THSD4: variants seen among roughly 807,000 people sequenced by gnomAD.
THSD4 encodes the protein thrombospondin type-1 domain-containing protein 4.
Under a neutral mutation model 119.0 loss-of-function variants are expected in THSD4, and 69 were observed. That is an observed-to-expected ratio of 0.58 (90% CI 0.48 to 0.71). THSD4 has a LOEUF of 0.71. THSD4 is among the 30% of genes least tolerant of loss of function. The pLI is 0.00. For synonymous variants in THSD4, 524 were observed against 540.4 expected, an observed-to-expected ratio of 0.97 and a Z score of 0.42; for missense variants, 1,393 against 1,391.1, an observed-to-expected ratio of 1.00 and a Z score of -0.02.
chr15:71,387,213 A>G (rs1453500352), intron 6 of THSD4, among the ~76,000 whole-genome samples: 1 of 152,104 alleles, frequency 6.6e-6, no homozygotes, highest in African/African-American at 2.4e-5. Flanking sequence ...CGTTAAAAAA[A>G]AAAACAGGCT....
chr15:71,731,162 CG>C lies in THSD4; in HGVS notation c.1576del (p.Val526Ter). On this transcript the variant is annotated frameshift_variant, in exon 10 of 18. Transcript: ENST00000261862. LOFTEE classifies it high-confidence loss of function. ...CAAACCCAGGCGTGCACTACGAGTACGTGATCATGGGGACCAACGCCATCAG... is the reference window on the plus strand; with the variant it reads ...CAAACCCAGGCGTGCACTACGAGTACTGATCATGGGGACCAACGCCATCAG... ...QPNPGVHYEYVIMGTNAISPQ... is the reference protein window; with the variant it reads ...QPNPGVHYEYXIMGTNAISPQ... 1.9e-6 allele frequency: 3 copies of C among 1,614,174 alleles called. No homozygotes were observed. The highest frequency in any genetic ancestry group is 2.5e-6 in the Non-Finnish European group (3 of 1,180,026).
chr15:71,241,897 T>A (rs1239695518), intron 4 of THSD4, among the ~76,000 whole-genome samples: 1 of 152,196 alleles, frequency 6.6e-6, no homozygotes, highest in Non-Finnish European at 1.5e-5. Flanking sequence ...TTATGAGATT[T>A]TTTTTTGCAA....
upstream of THSD4, among the ~76,000 whole-genome samples, chr15:71,112,451 C>A (rs772432540): frequency 6.6e-6 from 1 of 152,094 alleles, no homozygotes; most frequent in Non-Finnish European, 1.5e-5. Context: ...CCTCTAGGGC[C>A]AGTGGATAAT....
intron 17 of THSD4, among the ~76,000 whole-genome samples, chr15:71,772,379 C>T (rs528635962): frequency 3.5e-4 from 53 of 151,980 alleles, no homozygotes; most frequent in African/African-American, 1.2e-3. Flanking sequence ...CAAAAAAACC[C>T]ATAAATTCCA....
At chr15:71,544,998 G>A (rs1409291580) in intron 7 of THSD4, among the ~76,000 whole-genome samples, 3 of 152,172 alleles carry the variant, frequency 2.0e-5, no homozygotes, top group African/African-American at 7.2e-5. Flanking sequence ...GGTTGCCAGG[G>A]GCTTGGAGGA....
At chr15:71,523,562 T>C (rs995355841) in intron 7 of THSD4, among the ~76,000 whole-genome samples, 12 of 152,138 alleles carry the variant, frequency 7.9e-5, no homozygotes, top group Non-Finnish European at 1.8e-4. Flanking sequence ...ACTGCAATGA[T>C]GCTGATGTAT....
chr15:71,361,024 A>C (rs1350245391), intron 6 of THSD4, among the ~76,000 whole-genome samples: 1 of 152,190 alleles, frequency 6.6e-6, no homozygotes, highest in Non-Finnish European at 1.5e-5. Flanking sequence ...TACAGAGAAG[A>C]GTTATCTAGG....
chr15:71,372,778 A>G lies in THSD4; in HGVS notation c.1016-38909A>G, dbSNP rs374682111. Among the ~76,000 whole-genome samples, 4 of 152,358 alleles carry G rather than the reference A, an allele frequency of 2.6e-5. No individual in the cohort carries two copies. The East Asian group carries it at 5.8e-4, about 22-fold the overall frequency. On this transcript the variant is annotated intron_variant, in intron 6 of 17. Transcript: ENST00000261862. ...GTTCTCACATCTCAAACTCCGTACT[A>G]GGAGAACCACTACTCTCTTGAAAGC...
At chr15:71,242,617 G>C in intron 4 of THSD4, 32 bp from the exon 5 acceptor site, 1 of 1,598,700 alleles carries the variant, frequency 6.3e-7, no homozygotes, top group Non-Finnish European at 8.6e-7. Flanking sequence ...ATCCGACTCT[G>C]ATCATCTCCT....
At chr15:71,289,327 C>T (rs1168258126) in intron 6 of THSD4, among the ~76,000 whole-genome samples, 8 of 152,296 alleles carry the variant, frequency 5.3e-5, no homozygotes, top group South Asian at 2.1e-4. Flanking sequence ...CCTCTCTGAA[C>T]GGACTGTCCT....
At chr15:71,638,787 A>G (rs1447117315) in intron 7 of THSD4, among the ~76,000 whole-genome samples, 2 of 152,194 alleles carry the variant, frequency 1.3e-5, no homozygotes, top group Non-Finnish European at 2.9e-5. Context: ...CACCAATCAG[A>G]ATAAGCTACA....
At chr15:71,257,775 C>G (rs1184026367) in intron 6 of THSD4, among the ~76,000 whole-genome samples, 3 of 152,148 alleles carry the variant, frequency 2.0e-5, no homozygotes, top group African/African-American at 7.2e-5. Context: ...TTCTCAGAGA[C>G]TCCATAGCTT....
At position 71,205,371 on chromosome 15, in the gene THSD4, C is replaced by T. The variant is rs375631973; in HGVS notation, c.100-9664C>T. ...GACACAGGTATTGAGAGAAAGCCTT[C>T]GGGTAGAGCTGGAAAGTGCAGAACA... On this transcript the variant is annotated intron_variant, in intron 3 of 17. Transcript: ENST00000261862. 4.9e-4 allele frequency among the ~76,000 whole-genome samples: 74 copies of T among 152,226 alleles called. No homozygotes were observed. In the East Asian group the frequency reaches 0.011, roughly 23 times the overall value.
intron 4 of THSD4, among the ~76,000 whole-genome samples, chr15:71,234,333 A>G (rs1372506284): frequency 2.0e-5 from 3 of 152,256 alleles, no homozygotes; most frequent in Admixed American, 6.5e-5. Flanking sequence ...CTGCTAGTCA[A>G]ACTCTCCACT....
chr15:71,113,061 C>T (rs913988984), upstream of THSD4, among the ~76,000 whole-genome samples: 8 of 152,278 alleles, frequency 5.3e-5, no homozygotes, highest in South Asian at 2.1e-4. Context: ...TGGTGGCGCA[C>T]GCCTGTAGTC....
chr15:71,758,501 T>C (rs2053581906), intron 15 of THSD4, among the ~76,000 whole-genome samples: 1 of 152,250 alleles, frequency 6.6e-6, no homozygotes, highest in Non-Finnish European at 1.5e-5. Flanking sequence ...AGCCAGTTTT[T>C]CTGTATTTGA....
intron 15 of THSD4, among the ~76,000 whole-genome samples, chr15:71,761,577 A>G (rs2053628565): frequency 6.6e-6 from 1 of 152,214 alleles, no homozygotes; most frequent in African/African-American, 2.4e-5. Context: ...TAAATTCACA[A>G]AGTTGTACAA....
intron 6 of THSD4, among the ~76,000 whole-genome samples, chr15:71,269,712 A>G (rs1261327905): frequency 6.6e-6 from 1 of 152,090 alleles, no homozygotes; most frequent in Non-Finnish European, 1.5e-5. Flanking sequence ...CATCGTCTTA[A>G]CCCCAAATCT....
chr15:71,454,073 AT>A (rs775976734), intron 7 of THSD4, among the ~76,000 whole-genome samples: 49 of 152,326 alleles, frequency 3.2e-4, no homozygotes, highest in Non-Finnish European at 3.8e-4. Flanking sequence ...CCTGGTCAAC[AT>A]GGCAAAACCC....
Sources: gnomAD v4.1 joint callset for allele counts (sites outside exome capture counted in the v4.1 genomes callset) on GRCh38, gnomAD v4.1.1 for gene constraint, MANE v1.5 for transcripts, NCBI Gene and HGNC (gene_info 2026-07-23, HGNC 2026-07-21) for gene names.